The following FOXP1 variants were observed in gnomAD, a reference collection of about 807,000 sequenced individuals.
FOXP1 encodes forkhead box P1, also known as forkhead box protein P1.
A neutral mutation model predicts 98.2 loss-of-function variants in FOXP1; 15 were observed. The observed-to-expected ratio is 0.15, with a 90% CI of 0.10 to 0.24. The LOEUF (loss-of-function observed/expected upper bound fraction) is 0.24, where lower values mean the gene tolerates loss of function less well. Ranked by LOEUF, FOXP1 falls within the 10% of genes least tolerant of loss-of-function variation. The pLI is 1.00. For missense variants in FOXP1, 633 were observed against 848.5 expected (o/e 0.75, Z 3.15); for synonymous variants, 371 against 314.5 (o/e 1.18, Z -1.90).
At chr3:71,247,351 G>A (rs1294848186) in intron 5 of FOXP1, among the ~76,000 whole-genome samples, 3 of 152,202 alleles carry the variant, frequency 2.0e-5, no homozygotes, top group Non-Finnish European at 4.4e-5. Context: ...TGCCTGGAAT[G>A]TGCCTCTTCC....
chr3:71,092,894 A>G (rs2056033355), intron 7 of FOXP1, among the ~76,000 whole-genome samples: 2 of 152,220 alleles, frequency 1.3e-5, no homozygotes, highest in African/African-American at 4.8e-5. Context: ...CTTTAGAGAT[A>G]TATGAAGACA....
chr3:71,133,753 C>T (rs901986325), intron 6 of FOXP1, among the ~76,000 whole-genome samples: 1 of 151,900 alleles, frequency 6.6e-6, no homozygotes, highest in Non-Finnish European at 1.5e-5. Context: ...AGGTTATTTG[C>T]TTGACTCTTG....
chr3:71,449,664 A>G (rs1302497243), intron 3 of FOXP1, among the ~76,000 whole-genome samples: 1 of 152,200 alleles, frequency 6.6e-6, no homozygotes, highest in Non-Finnish European at 1.5e-5. Flanking sequence ...AGAAAATCCT[A>G]TTCTCAGATA....
At chr3:71,252,522 G>A (rs2068279261) in intron 5 of FOXP1, among the ~76,000 whole-genome samples, 1 of 151,016 alleles carries the variant, frequency 6.6e-6, no homozygotes, top group Non-Finnish European at 1.5e-5. Context: ...CTGAGAACTT[G>A]TCACTAAGAA....
At chr3:70,986,369 G>A (rs1337511607) in intron 14 of FOXP1, among the ~76,000 whole-genome samples, 1 of 152,196 alleles carries the variant, frequency 6.6e-6, no homozygotes. Flanking sequence ...CAAGATCCAG[G>A]CCTACAGTGC....
chr3:71,520,751 G>A, intron 2 of FOXP1, among the ~76,000 whole-genome samples: 1 of 152,204 alleles, frequency 6.6e-6, no homozygotes, highest in African/African-American at 2.4e-5. Context: ...AGCCAAAACA[G>A]GTTGGCATTG....
At chr3:71,067,989 TAA>T (rs3058699) in intron 7 of FOXP1, among the ~76,000 whole-genome samples, 1 of 134,732 alleles carries the variant, frequency 7.4e-6, no homozygotes, top group African/African-American at 2.7e-5. Context: ...TGGATAATTA[TAA>T]AAAAAAAAAG....
chr3:71,575,456 TACACACACAC>T (rs141932734), intron 2 of FOXP1, among the ~76,000 whole-genome samples: 1 of 149,440 alleles, frequency 6.7e-6, no homozygotes. Flanking sequence ...CACACACACA[TACACACACAC>T]ACACACAGAT....
chr3:71,064,250 C>T (rs949425153), intron 7 of FOXP1, among the ~76,000 whole-genome samples: 2 of 152,108 alleles, frequency 1.3e-5, no homozygotes, highest in Middle Eastern at 3.2e-3. Context: ...CTGAAAATAG[C>T]CTAGACAGAT....
chr3:71,230,119 A>AGGGGGG (rs1560152372), intron 5 of FOXP1, among the ~76,000 whole-genome samples: 1 of 47,612 alleles, frequency 2.1e-5, no homozygotes, highest in African/African-American at 7.1e-5. Context: ...ACCACTGGGG[A>AGGGGGG]GGGGTGGGTG....
At chr3:71,078,513 C>T (rs1010092118) in intron 7 of FOXP1, among the ~76,000 whole-genome samples, 3 of 152,080 alleles carry the variant, frequency 2.0e-5, no homozygotes, top group African/African-American at 7.3e-5. Flanking sequence ...GAATGACTTA[C>T]CCTAATAAAA....
chr3:71,493,075 A>G (rs1289892085), intron 3 of FOXP1, among the ~76,000 whole-genome samples: 2 of 151,594 alleles, frequency 1.3e-5, no homozygotes, highest in East Asian at 1.9e-4. Flanking sequence ...CAAGATGAAA[A>G]AATTGTTGTC....
chr3:71,054,054 T>C (rs1259471278), intron 7 of FOXP1, among the ~76,000 whole-genome samples: 1 of 152,240 alleles, frequency 6.6e-6, no homozygotes, highest in Non-Finnish European at 1.5e-5. Flanking sequence ...GGAGTTAAGA[T>C]ACGACAGTTC....
At chr3:71,267,122 AGAGT>A (rs1416933008) in intron 5 of FOXP1, among the ~76,000 whole-genome samples, 8 of 69,370 alleles carry the variant, frequency 1.2e-4, no homozygotes, top group Non-Finnish European at 2.4e-4. Flanking sequence ...TTTATGGGAG[AGAGT>A]GTGTGTGTGT....
chr3:71,395,936 A>G (rs990071789), intron 3 of FOXP1, among the ~76,000 whole-genome samples: 1 of 152,152 alleles, frequency 6.6e-6, no homozygotes, highest in African/African-American at 2.4e-5. Context: ...AGAAAAAAAG[A>G]CTGGTTTCTT....
chr3:71,582,612 G>C (rs2048275482), intron 1 of FOXP1: 2 of 985,322 alleles, frequency 2.0e-6, no homozygotes, highest in African/African-American at 1.7e-5. Flanking sequence ...AGCTTCAGAG[G>C]GGGGTAAAAT....
intron 5 of FOXP1, among the ~76,000 whole-genome samples, chr3:71,282,641 G>A (rs913920907): frequency 1.3e-5 from 2 of 152,078 alleles, no homozygotes; most frequent in East Asian, 3.8e-4. Flanking sequence ...AAGAAATCTG[G>A]TTACTTCCTC....
intron 2 of FOXP1, among the ~76,000 whole-genome samples, chr3:71,549,295 C>T (rs1343215344): frequency 6.6e-6 from 1 of 152,180 alleles, no homozygotes; most frequent in African/African-American, 2.4e-5. Context: ...ACAGTTCAGT[C>T]GCTGGGGTTT....
chr3:70,975,493 A>T (rs1016784952), intron 17 of FOXP1, among the ~76,000 whole-genome samples: 1 of 152,258 alleles, frequency 6.6e-6, no homozygotes, highest in South Asian at 2.1e-4. Context: ...CTAATTTATC[A>T]GGAACTTAAC....
Sources: allele counts gnomAD v4.1 joint callset (sites outside exome capture counted in the v4.1 genomes callset), GRCh38; gene constraint gnomAD v4.1.1; transcripts MANE v1.5; gene names NCBI Gene and HGNC (gene_info 2026-07-23, HGNC 2026-07-21).